The following PPP2R5C variants were observed in gnomAD, a reference collection of about 807,000 sequenced individuals.
The protein encoded by PPP2R5C is protein phosphatase 2 regulatory subunit B'gamma.
A neutral mutation model predicts 68.9 loss-of-function variants in PPP2R5C; 7 were observed. The ratio of observed to expected loss-of-function variants is 0.10; its 90% confidence interval spans 0.06 to 0.19. The LOEUF (loss-of-function observed/expected upper bound fraction) is 0.19. PPP2R5C is among the 10% of genes least tolerant of loss of function. The pLI, the probability that PPP2R5C is intolerant of heterozygous loss-of-function variation, is 1.00. For synonymous variants in PPP2R5C, 210 were observed against 222.2 expected (o/e 0.95, Z 0.49); for missense variants, 348 against 641.3 (o/e 0.54, Z 4.94).
At chr14:101,789,308 T>A (rs2038256350) in intron 3 of PPP2R5C, among the ~76,000 whole-genome samples, 1 of 152,246 alleles carries the variant, frequency 6.6e-6, no homozygotes. Flanking sequence ...CCTAAGTTGA[T>A]GGGAAAGTGG....
intron 3 of PPP2R5C, among the ~76,000 whole-genome samples, chr14:101,798,580 G>A (rs2038721780): frequency 6.6e-6 from 1 of 152,212 alleles, no homozygotes; most frequent in South Asian, 2.1e-4. Flanking sequence ...GCAAAATAGG[G>A]AGACCTTGTC....
At chr14:101,815,890 G>T (rs1014936813) in intron 1 of PPP2R5C, among the ~76,000 whole-genome samples, 1 of 151,982 alleles carries the variant, frequency 6.6e-6, no homozygotes, top group South Asian at 2.1e-4. Flanking sequence ...GGCTGCTCTC[G>T]AACTCCTGAC....
chr14:101,792,752 TTTTG>T (rs758241983), intron 3 of PPP2R5C, among the ~76,000 whole-genome samples: 15 of 152,196 alleles, frequency 9.9e-5, no homozygotes, highest in Non-Finnish European at 1.8e-4. Context: ...TCGTGTGTTT[TTTTG>T]TTTGTTTTTG....
At chr14:101,881,660 G>A (rs1267077640) in intron 2 of PPP2R5C, among the ~76,000 whole-genome samples, 1 of 152,216 alleles carries the variant, frequency 6.6e-6, no homozygotes, top group Non-Finnish European at 1.5e-5. Context: ...CACTCTGACT[G>A]TTGCTTTCCT....
chr14:101,848,620 G>T (rs1329524522), intron 1 of PPP2R5C, among the ~76,000 whole-genome samples: 1 of 152,174 alleles, frequency 6.6e-6, no homozygotes, highest in Non-Finnish European at 1.5e-5. Context: ...AGATCCAGGT[G>T]AGTTTAGAGG....
Position 101,833,788 on chromosome 14 carries a change from A to G in PPP2R5C, c.95-22898A>G, listed in dbSNP as rs184957469. Among the ~76,000 whole-genome samples, 14 of 152,202 alleles carry G rather than the reference A, an allele frequency of 9.2e-5. No homozygotes were observed. The East Asian group carries it at 2.7e-3, about 29-fold the overall frequency. On this transcript the variant is annotated intron_variant, in intron 1 of 13. Transcript: ENST00000334743. ...GGTTTTCACTTCCCAGCTTTATTCAATCCAAGGGTTTTTTTGGCATTTTTT... is the reference window on the plus strand; with the variant it reads ...GGTTTTCACTTCCCAGCTTTATTCAGTCCAAGGGTTTTTTTGGCATTTTTT...
chr14:101,923,922 G>A (rs893424633), intron 13 of PPP2R5C, among the ~76,000 whole-genome samples: 3 of 113,298 alleles, frequency 2.6e-5, no homozygotes, highest in East Asian at 2.0e-4. Context: ...TTACGCTTAC[G>A]TTCTTTTTGT....
intron 2 of PPP2R5C, among the ~76,000 whole-genome samples, chr14:101,784,833 G>A (rs959281525): frequency 2.6e-5 from 4 of 152,194 alleles, no homozygotes; most frequent in Non-Finnish European, 5.9e-5. Context: ...TGTCACTGCT[G>A]GATAGTGGTC....
intron 1 of PPP2R5C, among the ~76,000 whole-genome samples, chr14:101,815,984 CT>C (rs1214433694): frequency 6.6e-6 from 1 of 152,192 alleles, no homozygotes; most frequent in Non-Finnish European, 1.5e-5. Flanking sequence ...TGATGTATTT[CT>C]TAGCTAAATA....
At chr14:101,766,524 A>G (rs1040720178) in intron 2 of PPP2R5C, 5 of 152,244 alleles carry the variant, frequency 3.3e-5, no homozygotes, top group Non-Finnish European at 7.3e-5. Context: ...AGTTCTATTA[A>G]AGGTCATAAC....
intron 3 of PPP2R5C, among the ~76,000 whole-genome samples, chr14:101,787,305 A>G (rs1436281203): frequency 6.6e-6 from 1 of 152,090 alleles, no homozygotes. Flanking sequence ...TGTCATGTTT[A>G]TAGCTGTATT....
upstream of PPP2R5C, among the ~76,000 whole-genome samples, chr14:101,806,396 G>A (rs1163294566): frequency 1.2e-4 from 19 of 152,102 alleles, no homozygotes; most frequent in Non-Finnish European, 4.4e-5. Context: ...TGCTGAGAAT[G>A]ATGGCTTCCA....
chr14:101,796,946 A>G lies in PPP2R5C; in HGVS notation c.259+10763A>G, dbSNP rs1380352782. The stretch of plus-strand genomic sequence containing the variant: ...TGAGGTGAAATACACATGTTAAAAC[A>G]TAATATTTATTATTTTAACCATTCA... On this transcript the variant is annotated intron_variant, in intron 3 of 14. Transcript: ENST00000328724. 38 of 326,270 alleles carry G rather than the reference A, an allele frequency of 1.2e-4. No homozygotes were observed. In the Admixed American group the frequency reaches 1.5e-3, roughly 13 times the overall value. 20.2% of individuals were successfully genotyped at this position (326,270 alleles called of 1,614,324 possible). A position where few individuals can be genotyped will look rare whatever the true frequency, so the allele number is the denominator to read the frequency against.
intron 2 of PPP2R5C, among the ~76,000 whole-genome samples, chr14:101,767,838 G>A (rs1469995156): frequency 6.6e-6 from 1 of 152,178 alleles, no homozygotes; most frequent in Non-Finnish European, 1.5e-5. Context: ...GTTGTTAGGA[G>A]GCAGATGTCC....
chr14:101,836,369 C>T, intron 1 of PPP2R5C: 2 of 702,368 alleles, frequency 2.8e-6, no homozygotes, highest in Non-Finnish European at 5.2e-6. Context: ...CCCTGCCCTT[C>T]TGCCTCTACT....
In PPP2R5C at chr14:101,915,534, G is replaced by C. The variant is rs1219001628; in HGVS notation, c.1327-2297G>C. ...AGCCGTGCTCCAAGCGGAGGCTGTT[G>C]GTGGGTCCCATGAAGAGCACTGCTT... On this transcript the variant is annotated intron_variant, in intron 12 of 13. Transcript: ENST00000334743. The surrounding 1 kb of genome is among the most constrained non-coding windows in gnomAD (Gnocchi z 4.2). 6.6e-6 allele frequency among the ~76,000 whole-genome samples: 1 copy of C among 152,224 alleles called. No homozygotes were observed. Among genetic ancestry groups the C allele is most frequent in the East Asian group, 1.9e-4 (1 of 5,192 alleles).
intron 2 of PPP2R5C, among the ~76,000 whole-genome samples, chr14:101,870,735 G>C (rs1435646067): frequency 6.6e-6 from 1 of 152,164 alleles, no homozygotes; most frequent in African/African-American, 2.4e-5. Flanking sequence ...GGAGACCATT[G>C]ACCTCTTAAC....
At chr14:101,848,179 A>G (rs549128281) in intron 1 of PPP2R5C, among the ~76,000 whole-genome samples, 4 of 152,360 alleles carry the variant, frequency 2.6e-5, no homozygotes, top group African/African-American at 7.2e-5. Flanking sequence ...AAGTTTTTCA[A>G]TCAAAAAATT....
chr14:101,912,886 G>GATGTCCTCT (rs539565826), intron 12 of PPP2R5C, among the ~76,000 whole-genome samples: 46 of 152,298 alleles, frequency 3.0e-4, no homozygotes, highest in African/African-American at 1.1e-3. Flanking sequence ...ATGACGTTTT[G>GATGTCCTCT]ATGTCCTCTT....
Sources: gnomAD v4.1 joint callset for allele counts (sites outside exome capture counted in the v4.1 genomes callset) on GRCh38, gnomAD v4.1.1 for gene constraint, Gnocchi (gnomAD v3.1) non-coding constraint, MANE v1.5 for transcripts, NCBI Gene and HGNC (gene_info 2026-07-23, HGNC 2026-07-21) for gene names.